Variants in LYZL4 observed in about 807,000 individuals in gnomAD.
LYZL4 encodes lysozyme-like protein 4.
In LYZL4, 13 loss-of-function variants were observed where a neutral mutation model predicts 17.6. The observed-to-expected ratio is 0.74, with a 90% CI of 0.48 to 1.18. LYZL4 has a LOEUF of 1.18. Ranked by LOEUF, LYZL4 falls within the 50% of genes most tolerant of loss-of-function variation. The pLI, the probability that LYZL4 is intolerant of heterozygous loss-of-function variation, is 0.00. For synonymous variants in LYZL4, 64 were observed against 67.7 expected (o/e 0.95, Z 0.27); for missense variants, 174 against 188.2 (o/e 0.92, Z 0.44).
chr3:42,404,343 A>T (rs1319577964), intron 3 of LYZL4, among the ~76,000 whole-genome samples: 2 of 152,220 alleles, frequency 1.3e-5, no homozygotes, highest in South Asian at 2.1e-4. Flanking sequence ...TTCTTATAAA[A>T]TTTTTTCCAT....
At chr3:42,400,940 C>T (rs1250284227) in intron 4 of LYZL4, among the ~76,000 whole-genome samples, 1 of 152,066 alleles carries the variant, frequency 6.6e-6, no homozygotes, top group Non-Finnish European at 1.5e-5. Context: ...ATCAGAAAGA[C>T]ACTCACACCA....
chr3:42,372,203 G>A, the LYZL4 span, among the ~76,000 whole-genome samples: 2 of 152,184 alleles, frequency 1.3e-5, no homozygotes, highest in East Asian at 1.9e-4. Context: ...TCATGTGATG[G>A]GATAGGAAAG....
chr3:42,379,579 A>G, the LYZL4 span, among the ~76,000 whole-genome samples: 1 of 151,928 alleles, frequency 6.6e-6, no homozygotes, highest in Middle Eastern at 3.4e-3. Flanking sequence ...CACAAATTCC[A>G]GAAGGCCAGG....
chr3:42,368,551 T>A, the LYZL4 span, among the ~76,000 whole-genome samples: 394 of 152,344 alleles, frequency 2.6e-3, no homozygotes, highest in African/African-American at 8.6e-3. Flanking sequence ...ATGCATGTAT[T>A]TAAGTGATTT....
chr3:42,403,360 A>G (rs982163088), intron 4 of LYZL4, among the ~76,000 whole-genome samples: 6 of 152,190 alleles, frequency 3.9e-5, no homozygotes, highest in African/African-American at 1.4e-4. Flanking sequence ...TGTGTGTTCA[A>G]GCGATTCTCC....
At chr3:42,381,724 G>A in the LYZL4 span, among the ~76,000 whole-genome samples, 737 of 152,272 alleles carry the variant, frequency 4.8e-3, 5 homozygotes, top group African/African-American at 0.017. Context: ...GCTAGGCCCC[G>A]TTTCACTGGG....
chr3:42,391,880 TTC>T, the LYZL4 span, among the ~76,000 whole-genome samples: 8 of 151,698 alleles, frequency 5.3e-5, no homozygotes, highest in African/African-American at 1.2e-4. Flanking sequence ...CTCTCTCTTT[TTC>T]TTTTTTTTCT....
intron 4 of LYZL4, among the ~76,000 whole-genome samples, chr3:42,401,338 G>C (rs2125600829): frequency 6.6e-6 from 1 of 152,106 alleles, no homozygotes; most frequent in East Asian, 1.9e-4. Context: ...AGCCTCCCGA[G>C]TGGCTGGGAT....
the LYZL4 span, among the ~76,000 whole-genome samples, chr3:42,391,430 G>C: frequency 2.0e-5 from 3 of 152,170 alleles, no homozygotes; most frequent in Non-Finnish European, 4.4e-5. Flanking sequence ...GTAGTGACCA[G>C]AAAGAGGGGA....
chr3:42,397,461 C>G (rs1260689188), intron 4 of LYZL4, 127 bp from the exon 5 acceptor site: 11 of 635,360 alleles, frequency 1.7e-5, no homozygotes, highest in Non-Finnish European at 2.6e-5. Context: ...CCACCTCTGC[C>G]GTGGGCACGA....
At chr3:42,365,811 A>T in the LYZL4 span, among the ~76,000 whole-genome samples, 2 of 152,156 alleles carry the variant, frequency 1.3e-5, no homozygotes, top group Non-Finnish European at 2.9e-5. Context: ...TAGAAACATG[A>T]TGTTTACATT....
At chr3:42,361,428 G>A in the LYZL4 span, among the ~76,000 whole-genome samples, 14 of 152,160 alleles carry the variant, frequency 9.2e-5, no homozygotes, top group African/African-American at 3.4e-4. Context: ...GGACAGAAGA[G>A]AGGTGAAAGA....
At chr3:42,406,453 C>CAAAAAAAAAAAAAAAAAA (rs565639489) in intron 3 of LYZL4, among the ~76,000 whole-genome samples, 5 of 84,176 alleles carry the variant, frequency 5.9e-5, no homozygotes, top group African/African-American at 1.7e-4. Flanking sequence ...GACTCCGTCT[C>CAAAAAAAAAAAAAAAAAA]AAAAAAAAAA....
the LYZL4 span, among the ~76,000 whole-genome samples, chr3:42,361,556 A>G: frequency 2.7e-5 from 4 of 149,118 alleles, no homozygotes; most frequent in Non-Finnish European, 5.9e-5. Context: ...GTGAAACCCC[A>G]TCTCTTAAAA....
the LYZL4 span, among the ~76,000 whole-genome samples, chr3:42,385,499 C>T: frequency 6.6e-6 from 1 of 152,128 alleles, no homozygotes; most frequent in African/African-American, 2.4e-5. Context: ...AAATACATTC[C>T]GTGATATTCA....
intron 4 of LYZL4, among the ~76,000 whole-genome samples, chr3:42,402,264 C>G (rs1698669214): frequency 6.6e-6 from 1 of 151,130 alleles, no homozygotes; most frequent in Non-Finnish European, 1.5e-5. Flanking sequence ...TATGATAATG[C>G]CACTGCACTC....
the LYZL4 span, among the ~76,000 whole-genome samples, chr3:42,366,106 C>T: frequency 6.6e-6 from 1 of 151,954 alleles, no homozygotes; most frequent in Non-Finnish European, 1.5e-5. Context: ...TCTCTCTCCC[C>T]AGGCCACTAG....
the LYZL4 span, among the ~76,000 whole-genome samples, chr3:42,376,620 G>A: frequency 2.6e-4 from 39 of 152,310 alleles, no homozygotes; most frequent in South Asian, 2.9e-3. Context: ...AGACCCCAAC[G>A]AGTGACTCAT....
chr3:42,408,266 A>G (rs780932411), intron 1 of LYZL4, among the ~76,000 whole-genome samples: 1 of 152,162 alleles, frequency 6.6e-6, no homozygotes, highest in Non-Finnish European at 1.5e-5. Context: ...CAAGCCCTCC[A>G]TGATCTGGCT....
Sources: allele counts gnomAD v4.1 joint callset (sites outside exome capture counted in the v4.1 genomes callset), GRCh38; gene constraint gnomAD v4.1.1; transcripts MANE v1.5; gene names NCBI Gene and HGNC (gene_info 2026-07-23, HGNC 2026-07-21).